ITGB6: variants seen among roughly 807,000 people sequenced by gnomAD.
ITGB6 encodes integrin subunit beta 6.
ITGB6 carries 80 observed loss-of-function variants against 84.5 expected under a neutral mutation model. The observed-to-expected ratio is 0.95, with a 90% CI of 0.79 to 1.14. ITGB6 has a LOEUF of 1.14. Among genes scored for constraint, ITGB6 ranks in the 50% most tolerant of loss-of-function variants. The pLI is 0.00. For synonymous variants in ITGB6, 383 were observed against 354.9 expected, an observed-to-expected ratio of 1.08 and a Z score of -0.89; for missense variants, 1,006 against 968.0, an observed-to-expected ratio of 1.04 and a Z score of -0.52.
At chr2:160,160,202 G>A (rs1270578747) in intron 7 of ITGB6, among the ~76,000 whole-genome samples, 1 of 152,144 alleles carries the variant, frequency 6.6e-6, no homozygotes, top group Admixed American at 6.5e-5. Context: ...CTTACTATTT[G>A]ACCCTTTGTA....
At position 160,109,075 on chromosome 2, in the gene ITGB6, A is replaced by G. The variant is rs749217017; in HGVS notation, c.2102-1230T>C. ...AAGTCTTACTGCTTTTAGATATTTA[A>G]TAAGGAGAGTTATACACATATGACT... On this transcript the variant is annotated intron_variant, in intron 13 of 14. Coordinates refer to ENST00000283249, the MANE Select transcript of ITGB6 (RefSeq NM_000888.5). 3.5e-4 allele frequency among the ~76,000 whole-genome samples: 54 copies of G among 152,314 alleles called. 1 individual carries two copies. The highest frequency in any genetic ancestry group is 7.2e-4 in the Non-Finnish European group (49 of 68,030).
intron 10 of ITGB6, 29 bp from the exon 11 acceptor site, chr2:160,126,630 A>C: frequency 3.1e-6 from 5 of 1,595,324 alleles, no homozygotes; most frequent in South Asian, 1.1e-5. Flanking sequence ...TATGCTTCTC[A>C]CAGCCCCAAA....
Position 160,165,528 on chromosome 2 carries a change from C to T in ITGB6, c.1017+3684G>A, listed in dbSNP as rs185962998. The stretch of plus-strand genomic sequence containing the variant: ...ATTTTCTCTGCCTCTTTTCCTCCCT[C>T]GCTGCAATGAAAAGCTCAAAAGAAC... On this transcript the variant is annotated intron_variant, in intron 7 of 14. Transcript: ENST00000283249. Among the ~76,000 whole-genome samples, 368 of 152,256 alleles carry T rather than the reference C, an allele frequency of 2.4e-3. 1 individual carries two copies. The highest frequency in any genetic ancestry group is 8.1e-3 in the African/African-American group (338 of 41,534).
chr2:160,171,713 G>A lies in ITGB6; in HGVS notation c.921+856C>T, dbSNP rs72994785. Among the ~76,000 whole-genome samples the A allele has an allele frequency of 5.0e-3, 763 of 152,302 alleles. 8 individuals are homozygous for A. Among genetic ancestry groups the A allele is most frequent in the African/African-American group, 0.018 (731 of 41,560 alleles). On this transcript the variant is annotated intron_variant, in intron 6 of 14. Transcript: ENST00000283249. ...AAACAGAGATAATAAACCAGGTCTG[G>A]ACCTGAGGATTGTGCAAGAAAGACA...
intron 4 of ITGB6, among the ~76,000 whole-genome samples, chr2:160,194,115 C>A (rs969039396): frequency 6.6e-6 from 1 of 152,086 alleles, no homozygotes; most frequent in Non-Finnish European, 1.5e-5. Flanking sequence ...CGAGATCATG[C>A]CACAGCACTC....
intron 6 of ITGB6, among the ~76,000 whole-genome samples, chr2:160,172,049 T>G (rs1281299801): frequency 6.6e-6 from 1 of 152,252 alleles, no homozygotes; most frequent in Non-Finnish European, 1.5e-5. Flanking sequence ...CTGAAATTTT[T>G]TCCTGGTTTT....
Position 160,174,064 on chromosome 2 carries a change from G to T in ITGB6, c.669C>A (p.Phe223Leu). The part of the protein sequence containing the change: ...ILPLTNDAER[F>L]NEIVKNQKIS... ...TTTTCTGATTCTTCACAATTTCATT[G>T]AATCTTTCAGCATCATTTGTCAATG... Residue 223 changes from phenylalanine (F) to leucine (L), a missense_variant, in exon 5 of 15, where the codon TTC becomes TTA. Physicochemically the swap from Phe to Leu is conservative, Grantham distance 22 (BLOSUM62 0). Coordinates refer to ENST00000283249, the MANE Select transcript of ITGB6 (RefSeq NM_000888.5). The T allele has an allele frequency of 2.5e-6, 4 of 1,612,814 alleles. No individual in the cohort carries two copies. The highest frequency in any genetic ancestry group is 3.4e-6 in the Non-Finnish European group (4 of 1,179,466).
intron 13 of ITGB6, among the ~76,000 whole-genome samples, chr2:160,108,607 C>T (rs1432279350): frequency 6.6e-6 from 1 of 152,154 alleles, no homozygotes; most frequent in Non-Finnish European, 1.5e-5. Context: ...ATAAGCTGAA[C>T]TGTTCTTGCT....
chr2:160,185,682 G>A lies in ITGB6; in HGVS notation c.593+9687C>T, dbSNP rs186722982. ...TTAGCAAAGACAATCCTAAGCAAAA[G>A]AACAAAGCTGGAGGCATCATGCCAC... On this transcript the variant is annotated intron_variant, in intron 4 of 14. Coordinates refer to ENST00000283249, the MANE Select transcript of ITGB6 (RefSeq NM_000888.5). Among the ~76,000 whole-genome samples the A allele has an allele frequency of 5.7e-3, 866 of 152,278 alleles. 10 individuals carry two copies. Among genetic ancestry groups the A allele is most frequent in the African/African-American group, 0.02 (848 of 41,568 alleles).
chr2:160,171,495 C>T (rs991888338), intron 6 of ITGB6, among the ~76,000 whole-genome samples: 3 of 152,132 alleles, frequency 2.0e-5, no homozygotes, highest in Admixed American at 6.5e-5. Context: ...CCACCACGCC[C>T]GGCTAAATTT....
At chr2:160,151,081 T>C (rs1019692646) in intron 7 of ITGB6, among the ~76,000 whole-genome samples, 2 of 152,164 alleles carry the variant, frequency 1.3e-5, no homozygotes, top group African/African-American at 4.8e-5. Context: ...AACTCAGCTC[T>C]GCAACAAGCA....
chr2:160,112,763 T>G (rs1033921764), intron 12 of ITGB6, among the ~76,000 whole-genome samples: 3 of 151,990 alleles, frequency 2.0e-5, no homozygotes, highest in Non-Finnish European at 4.4e-5. Context: ...AGTGACAGTT[T>G]GTCTATCATT....
intron 4 of ITGB6, among the ~76,000 whole-genome samples, chr2:160,186,239 A>G (rs1460940340): frequency 6.6e-6 from 1 of 150,722 alleles, no homozygotes; most frequent in East Asian, 2.0e-4. Flanking sequence ...AAGGGCTAAT[A>G]TCCAGAATCT....
At chr2:160,127,525 G>A (rs1683287402) in intron 10 of ITGB6, among the ~76,000 whole-genome samples, 1 of 152,178 alleles carries the variant, frequency 6.6e-6, no homozygotes, top group South Asian at 2.1e-4. Flanking sequence ...TGTATTGATT[G>A]ATGTCTTATG....
At chr2:160,168,542 TG>T in intron 7 of ITGB6, among the ~76,000 whole-genome samples, 1 of 152,176 alleles carries the variant, frequency 6.6e-6, no homozygotes, top group East Asian at 1.9e-4. Context: ...TTTCCTAGGC[TG>T]GGAAAAAAAA....
chr2:160,115,883 G>A (rs1479866575), intron 12 of ITGB6, among the ~76,000 whole-genome samples: 2 of 152,092 alleles, frequency 1.3e-5, no homozygotes, highest in African/African-American at 2.4e-5. Flanking sequence ...CTCAGGAACT[G>A]ATGCGATCAA....
In ITGB6 at chr2:160,120,684, A is replaced by G. The variant is rs1394655329; in HGVS notation, c.1981+3107T>C. ...GAGTATAATTAAAAAAAAAAAAAAAAAAAAAAGAAAATGTGGCACACATAC... is the reference window on the plus strand; with the variant it reads ...GAGTATAATTAAAAAAAAAAAAAAAGAAAAAAGAAAATGTGGCACACATAC... On this transcript the variant is annotated intron_variant, in intron 12 of 14. Transcript: ENST00000283249. Among the ~76,000 whole-genome samples, 9 of 45,090 alleles carry G rather than the reference A, an allele frequency of 2.0e-4. 3 individuals are homozygous for G. Among genetic ancestry groups the G allele is most frequent in the East Asian group, 4.4e-4 (1 of 2,268 alleles). 29.6% of individuals were successfully genotyped at this position (45,090 alleles called of 152,430 possible).
Position 160,172,794 on chromosome 2 carries a change from C to A in ITGB6, c.760-64G>T, listed in dbSNP as rs111674127. Reference sequence around the variant, plus strand: ...AGGCAGGCATTTATTGAGTGTGGATCAATTATGCTTGGACACATTTAGGTT... The same window carrying A: ...AGGCAGGCATTTATTGAGTGTGGATAAATTATGCTTGGACACATTTAGGTT... On this transcript the variant is annotated intron_variant, in intron 5 of 14. Transcript: ENST00000283249. 1.2e-4 allele frequency: 160 copies of A among 1,316,688 alleles called. 2 individuals are homozygous for A. The African/African-American group carries it at 2.1e-3, about 17-fold the overall frequency. 81.6% of individuals were successfully genotyped at this position (1,316,688 alleles called of 1,614,324 possible). A position where few individuals can be genotyped will look rare whatever the true frequency, so the allele number is the denominator to read the frequency against.
intron 4 of ITGB6, 112 bp from the exon 5 acceptor site, chr2:160,174,251 G>GCC: frequency 1.3e-6 from 1 of 758,996 alleles, no homozygotes; most frequent in Non-Finnish European, 2.1e-6. Flanking sequence ...TTTCTAAAGG[G>GCC]CCTGACTCTG....
Sources: allele counts gnomAD v4.1 joint callset (sites outside exome capture counted in the v4.1 genomes callset), GRCh38; gene constraint gnomAD v4.1.1; transcripts MANE v1.5; gene names NCBI Gene and HGNC (gene_info 2026-07-23, HGNC 2026-07-21).